The following SGCD variants were observed in gnomAD, a reference collection of about 807,000 sequenced individuals.
The protein encoded by SGCD is sarcoglycan delta, also known as delta-sarcoglycan.
In SGCD, 18 loss-of-function variants were observed where a neutral mutation model predicts 36.6. The observed-to-expected ratio is 0.49, with a 90% CI of 0.34 to 0.73. The LOEUF (loss-of-function observed/expected upper bound fraction) is 0.73. Among genes scored for constraint, SGCD ranks in the 30% least tolerant of loss-of-function variants. SGCD has a pLI of 0.01. For synonymous variants in SGCD, 133 were observed against 130.6 expected (o/e 1.02, Z -0.12); for missense variants, 387 against 346.7 (o/e 1.12, Z -0.92).
chr5:155,781,893 C>T, the SGCD span, among the ~76,000 whole-genome samples: 3 of 152,102 alleles, frequency 2.0e-5, no homozygotes, highest in Non-Finnish European at 4.4e-5. Flanking sequence ...CCCTTTCATC[C>T]CATGAAATGC....
intron 3 of SGCD, among the ~76,000 whole-genome samples, chr5:156,418,588 A>G (rs1467832329): frequency 6.6e-6 from 1 of 152,182 alleles, no homozygotes; most frequent in East Asian, 1.9e-4. Flanking sequence ...TGGATCTTGC[A>G]TTTATGGCTT....
rs375868963 is a variant in SGCD, at chr5:155,913,718, T to C, written c.-282+43294T>C. Among the ~76,000 whole-genome samples, 8 of 152,334 alleles carry C rather than the reference T, an allele frequency of 5.3e-5. No individual in the cohort carries two copies. The East Asian group carries it at 9.6e-4, about 18-fold the overall frequency. The stretch of plus-strand genomic sequence containing the variant: ...AACTTGTCCTCATTATATTGAATTA[T>C]ATTTGAAGTAGGATTCTTTTTAAAA... On this transcript the variant is annotated intron_variant, in intron 1 of 9. Transcript: ENST00000517913.
At chr5:156,539,447 A>G (rs1417848363) in intron 4 of SGCD, among the ~76,000 whole-genome samples, 2 of 151,298 alleles carry the variant, frequency 1.3e-5, no homozygotes, top group Admixed American at 1.3e-4. Context: ...AGGCCATTAT[A>G]TCATTCTCAT....
At position 156,242,394 on chromosome 5, in the gene SGCD, G is replaced by A. The variant is rs548431470; in HGVS notation, c.-43-87140G>A. On this transcript the variant is annotated intron_variant, in intron 3 of 9. Transcript: ENST00000517913. ...CCATAGGAGATTCTGGTAGTCATGG[G>A]ACTGTTCTGTGTATTGACTCAGGTG... 5.6e-4 allele frequency among the ~76,000 whole-genome samples: 85 copies of A among 152,258 alleles called. 1 individual carries two copies. Among genetic ancestry groups the A allele is most frequent in the African/African-American group, 1.9e-3 (80 of 41,552 alleles).
chr5:155,834,321 C>T, the SGCD span, among the ~76,000 whole-genome samples: 1 of 152,180 alleles, frequency 6.6e-6, no homozygotes, highest in African/African-American at 2.4e-5. Flanking sequence ...GAGAACGGTA[C>T]TGCATGTAAA....
intron 3 of SGCD, among the ~76,000 whole-genome samples, chr5:156,393,360 T>C (rs1331330886): frequency 6.6e-6 from 1 of 152,244 alleles, no homozygotes; most frequent in Non-Finnish European, 1.5e-5. Flanking sequence ...TGAGAGCCAA[T>C]TGTTAAATGT....
intron 1 of SGCD, among the ~76,000 whole-genome samples, chr5:155,941,181 C>T (rs947061098): frequency 4.6e-5 from 7 of 152,276 alleles, no homozygotes; most frequent in Middle Eastern, 3.4e-3. Flanking sequence ...CTCGAGATAA[C>T]TAACATACTC....
chr5:156,083,126 A>T (rs1212214513), intron 1 of SGCD, among the ~76,000 whole-genome samples: 1 of 151,290 alleles, frequency 6.6e-6, no homozygotes, highest in Non-Finnish European at 1.5e-5. Context: ...TCTTTTTTTT[A>T]AATTGTTGAG....
At chr5:156,678,620 G>C (rs1451901539) in intron 7 of SGCD, among the ~76,000 whole-genome samples, 1 of 152,174 alleles carries the variant, frequency 6.6e-6, no homozygotes, top group Non-Finnish European at 1.5e-5. Context: ...TACATCAAAG[G>C]TGATGGTTCA....
At chr5:156,117,586 G>A (rs1425834072) in intron 1 of SGCD, among the ~76,000 whole-genome samples, 1 of 152,018 alleles carries the variant, frequency 6.6e-6, no homozygotes, top group Non-Finnish European at 1.5e-5. Context: ...GCATACTTAG[G>A]TCCTTTCTAG....
chr5:156,569,330 G>A (rs975288915), intron 4 of SGCD, among the ~76,000 whole-genome samples: 3 of 151,640 alleles, frequency 2.0e-5, no homozygotes, highest in East Asian at 1.9e-4. Context: ...GGTAGCACAC[G>A]CCTGTAATCC....
chr5:155,956,872 T>C (rs1224909072), intron 1 of SGCD, among the ~76,000 whole-genome samples: 2 of 151,582 alleles, frequency 1.3e-5, no homozygotes, highest in Non-Finnish European at 1.5e-5. Context: ...AGATCCTTTT[T>C]CCCAATAAGG....
intron 3 of SGCD, among the ~76,000 whole-genome samples, chr5:156,387,101 T>G (rs1482375921): frequency 6.6e-6 from 1 of 152,168 alleles, no homozygotes; most frequent in Non-Finnish European, 1.5e-5. Context: ...GGGAATGAGT[T>G]TGCCTCCCAT....
chr5:156,648,264 CT>C (rs4067498), intron 7 of SGCD, among the ~76,000 whole-genome samples: 2 of 147,844 alleles, frequency 1.4e-5, no homozygotes, highest in Non-Finnish European at 3.0e-5. Context: ...TGAATACTGG[CT>C]TTTTTTTTTC....
chr5:156,102,909 TTTTTC>T (rs1428263784), intron 1 of SGCD, among the ~76,000 whole-genome samples: 1 of 152,190 alleles, frequency 6.6e-6, no homozygotes, highest in Non-Finnish European at 1.5e-5. Flanking sequence ...ACATACATAT[TTTTTC>T]TTTTATCTCC....
chr5:156,366,972 C>T (rs1770140672), intron 3 of SGCD, among the ~76,000 whole-genome samples: 1 of 152,146 alleles, frequency 6.6e-6, no homozygotes, highest in African/African-American at 2.4e-5. Flanking sequence ...AAGATGCTTT[C>T]TCATGTATTT....
At chr5:155,746,999 G>A in the SGCD span, among the ~76,000 whole-genome samples, 6 of 152,058 alleles carry the variant, frequency 3.9e-5, no homozygotes. Context: ...TGAATGTTTT[G>A]GGTGGTCTCT....
At chr5:156,351,206 A>G (rs1769232548) in intron 3 of SGCD, among the ~76,000 whole-genome samples, 1 of 152,106 alleles carries the variant, frequency 6.6e-6, no homozygotes, top group African/African-American at 2.4e-5. Context: ...TGTTTTGTCC[A>G]TTTGATGTGT....
At chr5:156,235,167 G>A (rs1451417301) in intron 3 of SGCD, among the ~76,000 whole-genome samples, 1 of 152,172 alleles carries the variant, frequency 6.6e-6, no homozygotes, top group African/African-American at 2.4e-5. Flanking sequence ...ACCATCAATG[G>A]CAGAGACTGA....
Sources: allele counts gnomAD v4.1 joint callset (sites outside exome capture counted in the v4.1 genomes callset), GRCh38; gene constraint gnomAD v4.1.1; transcripts MANE v1.5; gene names NCBI Gene and HGNC (gene_info 2026-07-23, HGNC 2026-07-21).